The following SAMSN1 variants were observed in gnomAD, a reference collection of about 807,000 sequenced individuals.
SAMSN1 encodes the protein SAM domain-containing protein SAMSN-1.
A neutral mutation model predicts 42.0 loss-of-function variants in SAMSN1; 31 were observed. That is an observed-to-expected ratio of 0.74 (90% confidence interval 0.55 to 1.00). SAMSN1 has a LOEUF of 1.00. SAMSN1 is among the 50% of genes least tolerant of loss of function. SAMSN1 has a pLI of 0.00. For missense variants in SAMSN1, 464 were observed against 439.4 expected, an observed-to-expected ratio of 1.06 and a Z score of -0.50; for synonymous variants, 178 against 151.9, an observed-to-expected ratio of 1.17 and a Z score of -1.26.
intron 2 of SAMSN1, among the ~76,000 whole-genome samples, chr21:14,626,304 T>C (rs1457114549): frequency 6.6e-6 from 1 of 152,024 alleles, no homozygotes; most frequent in Admixed American, 6.6e-5. Flanking sequence ...TAAAGAGCTT[T>C]TGCACAGCAA....
rs559621852 is a variant in SAMSN1, at chr21:14,611,555, T to C, written c.235+1321A>G. 3.9e-5 allele frequency among the ~76,000 whole-genome samples: 6 copies of C among 152,332 alleles called. No individual in the cohort carries two copies. In the East Asian group the frequency reaches 5.8e-4, roughly 15 times the overall value. Reference sequence around the variant, plus strand: ...AAGAACTGTGTTAGGATAGAAATATTGGTTGTACTGTATGTGCATGCAGAA... The same window carrying C: ...AAGAACTGTGTTAGGATAGAAATATCGGTTGTACTGTATGTGCATGCAGAA... On this transcript the variant is annotated intron_variant, in intron 4 of 15. Coordinates refer to the SAMSN1 transcript ENST00000647101.
At position 14,596,452 on chromosome 21, in the gene SAMSN1, G is replaced by A. The variant is rs568934035; in HGVS notation, c.400-2374C>T. On this transcript the variant is annotated intron_variant, in intron 6 of 15. Coordinates refer to the SAMSN1 transcript ENST00000647101. ...ATACACTCACAAATTCTTTTACACT[G>A]AAGAGGTCTTCAGAAGGTGGAACCT... 1.1e-4 allele frequency among the ~76,000 whole-genome samples: 17 copies of A among 152,250 alleles called. No homozygotes were observed. In the South Asian group the frequency reaches 3.5e-3, roughly 32 times the overall value.
At chr21:14,623,592 T>C (rs1428032312) in intron 2 of SAMSN1, among the ~76,000 whole-genome samples, 1 of 152,170 alleles carries the variant, frequency 6.6e-6, no homozygotes, top group Admixed American at 6.5e-5. Flanking sequence ...TAAATATATA[T>C]GGACCCAAAA....
chr21:14,575,020 G>T (rs116568410), intron 2 of SAMSN1, among the ~76,000 whole-genome samples: 2 of 151,928 alleles, frequency 1.3e-5, no homozygotes, highest in African/African-American at 4.8e-5. Context: ...CCGTTTTACC[G>T]TTTTCTTTTA....
rs116823248 is a variant in SAMSN1, at chr21:14,557,126, T to C, written c.261+25010A>G. Among the ~76,000 whole-genome samples, 795 of 152,128 alleles carry C rather than the reference T, an allele frequency of 5.2e-3. 10 individuals are homozygous for C. Among genetic ancestry groups the C allele is most frequent in the African/African-American group, 0.018 (752 of 41,514 alleles). On this transcript the variant is annotated intron_variant, in intron 2 of 8. Transcript: ENST00000285670. ...CTGCTGAGCAGGCCTGGCAGAAGGG[T>C]CTGCTTTTCCTCGTTCTACCCATCC...
In SAMSN1 at chr21:14,498,036, G is replaced by A. The variant is rs146105687; in HGVS notation, c.919+406C>T. Among the ~76,000 whole-genome samples the A allele has an allele frequency of 8.1e-3, 1,228 of 152,286 alleles. 21 individuals carry two copies. Among genetic ancestry groups the A allele is most frequent in the African/African-American group, 0.027 (1,134 of 41,558 alleles). The stretch of plus-strand genomic sequence containing the variant: ...GTGGTCATAAAATGAGTTTTCCTGT[G>A]TGCCATGAAGGCTCATTATCTTAAA... On this transcript the variant is annotated intron_variant, in intron 7 of 7. Transcript: ENST00000400566.
intron 2 of SAMSN1, among the ~76,000 whole-genome samples, chr21:14,622,209 G>C (rs967589825): frequency 2.6e-5 from 4 of 152,348 alleles, no homozygotes; most frequent in African/African-American, 9.6e-5. Context: ...CTAAAAACCA[G>C]AGTGCCTCTC....
chr21:14,590,025 G>A (rs1238253344), intron 7 of SAMSN1, among the ~76,000 whole-genome samples: 1 of 152,102 alleles, frequency 6.6e-6, no homozygotes, highest in East Asian at 1.9e-4. Context: ...CACATTGACA[G>A]TTTTCTCTAA....
At chr21:14,654,720 T>C (rs556119971) in intron 1 of SAMSN1, among the ~76,000 whole-genome samples, 37 of 152,096 alleles carry the variant, frequency 2.4e-4, no homozygotes, top group African/African-American at 8.4e-4. Context: ...TCTAGATTAG[T>C]AATAGTTCAT....
rs934552121 is a variant in SAMSN1 at position 14,602,947 on chromosome 21, A to G, written c.323-848T>C. Among the ~76,000 whole-genome samples the G allele has an allele frequency of 9.2e-5, 14 of 152,318 alleles. 1 individual carries two copies. In the East Asian group the frequency reaches 2.5e-3, roughly 27 times the overall value. ...TTTTCTCCAGATCTCCATCATAGCT[A>G]TAGTTAAAAGATATGTTAAATTCAC... On this transcript the variant is annotated intron_variant, in intron 5 of 15. Coordinates refer to the SAMSN1 transcript ENST00000647101.
chr21:14,547,597 G>T (rs142259173), upstream of SAMSN1, among the ~76,000 whole-genome samples: 1 of 152,120 alleles, frequency 6.6e-6, no homozygotes, highest in African/African-American at 2.4e-5. Flanking sequence ...ATTGAAAAGT[G>T]TAGTGCCATA....
intron 2 of SAMSN1, among the ~76,000 whole-genome samples, chr21:14,574,632 C>T (rs912810957): frequency 4.5e-4 from 69 of 152,262 alleles, no homozygotes; most frequent in African/African-American, 1.5e-3. Context: ...TGCTGTGTCT[C>T]AAAAGTCTAT....
At chr21:14,517,232 G>A (rs1028271) in intron 2 of SAMSN1, among the ~76,000 whole-genome samples, 191 bp from the exon 3 acceptor site, 48,490 of 152,028 alleles carry the variant, frequency 0.32, 7,952 homozygotes, top group Non-Finnish European at 0.35. Context: ...CTTGTGTTAC[G>A]AACTCAGAAA....
chr21:14,605,804 G>T (rs920620128), intron 5 of SAMSN1, among the ~76,000 whole-genome samples: 4 of 145,898 alleles, frequency 2.7e-5, no homozygotes, highest in African/African-American at 7.7e-5. Context: ...CATATGTAAA[G>T]AAGATTTATT....
intron 6 of SAMSN1, among the ~76,000 whole-genome samples, chr21:14,599,046 T>G (rs1419961379): frequency 1.3e-5 from 2 of 152,160 alleles, no homozygotes; most frequent in Non-Finnish European, 1.5e-5. Context: ...AAGTTTGGGT[T>G]TATAAAGTCA....
chr21:14,523,118 C>T (rs997686705), intron 1 of SAMSN1, among the ~76,000 whole-genome samples: 2 of 152,092 alleles, frequency 1.3e-5, no homozygotes, highest in African/African-American at 2.4e-5. Context: ...TTTTGGAGGA[C>T]CTGCTATATT....
upstream of SAMSN1, chr21:14,583,859 G>A (rs573663112): frequency 1.6e-6 from 1 of 631,736 alleles, no homozygotes; most frequent in African/African-American, 1.9e-5. Context: ...CATAAATGTG[G>A]AAAAATTAAT....
At chr21:14,610,890 T>C (rs1982688569) in intron 4 of SAMSN1, among the ~76,000 whole-genome samples, 1 of 152,232 alleles carries the variant, frequency 6.6e-6, no homozygotes, top group African/African-American at 2.4e-5. Context: ...AGCTTATGAT[T>C]GCATTATTCT....
At chr21:14,506,636 C>T (rs1987420379) in intron 5 of SAMSN1, among the ~76,000 whole-genome samples, 1 of 152,146 alleles carries the variant, frequency 6.6e-6, no homozygotes, top group African/African-American at 2.4e-5. Context: ...TGGTACCAAT[C>T]CTATTGACAC....
Sources: allele counts gnomAD v4.1 joint callset (sites outside exome capture counted in the v4.1 genomes callset), GRCh38; gene constraint gnomAD v4.1.1; transcripts MANE v1.5; gene names NCBI Gene and HGNC (gene_info 2026-07-23, HGNC 2026-07-21).